DCC: variants seen among roughly 807,000 people sequenced by gnomAD.
DCC encodes DCC netrin 1 receptor.
In DCC, 58 loss-of-function variants were observed where a neutral mutation model predicts 172.5. That is an observed-to-expected ratio of 0.34 (90% CI 0.27 to 0.42). The LOEUF (loss-of-function observed/expected upper bound fraction) is 0.42. Among genes scored for constraint, DCC ranks in the 10% least tolerant of loss-of-function variants. The pLI, the probability that DCC is intolerant of heterozygous loss-of-function variation, is 1.00. For missense variants in DCC, 1,740 were observed against 1,791.0 expected (o/e 0.97, Z 0.51); for synonymous variants, 709 against 644.5 (o/e 1.10, Z -1.52).
intron 1 of DCC, among the ~76,000 whole-genome samples, chr18:52,521,038 G>A (rs77660892): frequency 1.7e-3 from 262 of 152,154 alleles, no homozygotes; most frequent in Middle Eastern, 3.4e-3. Context: ...AATATACATG[G>A]TGGTATATTT....
intron 21 of DCC, among the ~76,000 whole-genome samples, chr18:53,433,837 T>C (rs1911781121): frequency 6.6e-6 from 1 of 152,194 alleles, no homozygotes; most frequent in Non-Finnish European, 1.5e-5. Flanking sequence ...CTCACAGTCA[T>C]TGTCCCAGCA....
chr18:52,343,650 C>A (rs1983753661), intron 1 of DCC, among the ~76,000 whole-genome samples: 2 of 152,124 alleles, frequency 1.3e-5, no homozygotes, highest in East Asian at 3.9e-4. Flanking sequence ...GATAAGATAA[C>A]AATTTTGGAT....
At chr18:52,951,366 T>G (rs1481561045) in intron 5 of DCC, among the ~76,000 whole-genome samples, 3 of 152,168 alleles carry the variant, frequency 2.0e-5, no homozygotes, top group African/African-American at 7.2e-5. Flanking sequence ...GCTGCACCTA[T>G]CAACCCATCA....
At chr18:52,856,887 T>A (rs2039065183) in intron 2 of DCC, among the ~76,000 whole-genome samples, 1 of 152,160 alleles carries the variant, frequency 6.6e-6, no homozygotes, top group South Asian at 2.1e-4. Flanking sequence ...TAGAAGTAAC[T>A]GTTATACAAC....
chr18:52,985,055 T>C (rs2041270987), intron 5 of DCC, among the ~76,000 whole-genome samples: 1 of 152,124 alleles, frequency 6.6e-6, no homozygotes, highest in Non-Finnish European at 1.5e-5. Context: ...TTCTTAAATA[T>C]CATTTTTTCC....
chr18:52,630,068 T>A (rs970022344), intron 1 of DCC, among the ~76,000 whole-genome samples: 5 of 149,244 alleles, frequency 3.4e-5, no homozygotes, highest in Admixed American at 3.3e-4. Flanking sequence ...GCTGAGATCA[T>A]GCCACTGCAC....
At chr18:52,388,193 C>T (rs1985891983) in intron 1 of DCC, among the ~76,000 whole-genome samples, 1 of 151,952 alleles carries the variant, frequency 6.6e-6, no homozygotes, top group Non-Finnish European at 1.5e-5. Flanking sequence ...TGACGTTCAA[C>T]TTCTCTATTT....
At chr18:52,891,762 T>C (rs1383452362) in intron 2 of DCC, among the ~76,000 whole-genome samples, 1 of 152,122 alleles carries the variant, frequency 6.6e-6, no homozygotes, top group Non-Finnish European at 1.5e-5. Context: ...CTGTTCATTA[T>C]ACATCAAAAT....
chr18:53,270,438 C>T (rs1288267524), intron 12 of DCC, among the ~76,000 whole-genome samples: 1 of 151,954 alleles, frequency 6.6e-6, no homozygotes, highest in African/African-American at 2.4e-5. Flanking sequence ...TTTCTAAAAA[C>T]CTAATTATAT....
At chr18:53,355,584 T>A (rs183296013) in intron 15 of DCC, among the ~76,000 whole-genome samples, 1 of 152,320 alleles carries the variant, frequency 6.6e-6, no homozygotes, top group South Asian at 2.1e-4. Flanking sequence ...CTGTTATTAG[T>A]GTATAAGAAT....
intron 12 of DCC, among the ~76,000 whole-genome samples, chr18:53,216,559 A>T (rs571215059): frequency 6.6e-6 from 1 of 152,268 alleles, no homozygotes; most frequent in South Asian, 2.1e-4. Context: ...ATCATGAGAA[A>T]GTAATAGTAA....
intron 12 of DCC, among the ~76,000 whole-genome samples, chr18:53,229,361 T>G (rs1296838321): frequency 6.6e-6 from 1 of 152,132 alleles, no homozygotes; most frequent in African/African-American, 2.4e-5. Flanking sequence ...AGCCCTATGT[T>G]AAACACAGCA....
chr18:53,265,188 C>A (rs1568400701), intron 12 of DCC, among the ~76,000 whole-genome samples: 1 of 152,178 alleles, frequency 6.6e-6, no homozygotes, highest in Admixed American at 6.5e-5. Context: ...TAATGAGAAC[C>A]AGGTCCTTGG....
chr18:52,794,532 TTTTGGTGGAGTC>T (rs1466878937), intron 2 of DCC, among the ~76,000 whole-genome samples: 4 of 152,058 alleles, frequency 2.6e-5, no homozygotes, highest in African/African-American at 9.7e-5. Context: ...GTTCTGAGTT[TTTTGGTGGAGTC>T]TTTAGGTTTT....
At chr18:52,654,258 C>T (rs749926713) in intron 1 of DCC, among the ~76,000 whole-genome samples, 8 of 152,206 alleles carry the variant, frequency 5.3e-5, no homozygotes, top group Non-Finnish European at 1.2e-4. Flanking sequence ...TAATGAAACA[C>T]TACAGGTGGG....
chr18:52,351,687 C>T (rs141493369), intron 1 of DCC, among the ~76,000 whole-genome samples: 4 of 152,190 alleles, frequency 2.6e-5, no homozygotes, highest in Non-Finnish European at 5.9e-5. Flanking sequence ...TGTTCTGGGG[C>T]CTCCTTCAAA....
In DCC at chr18:52,602,262, T is replaced by C. The variant is rs984182354; in HGVS notation, c.92-149792T>C. On this transcript the variant is annotated intron_variant, in intron 1 of 28. Coordinates refer to ENST00000442544, the MANE Select transcript of DCC (RefSeq NM_005215.4). Reference sequence around the variant, plus strand: ...TATGAGTAAAATAGAAAGCCTTGATTTGTTCAGGGGAATGAGGCATTCTCG... The same window carrying C: ...TATGAGTAAAATAGAAAGCCTTGATCTGTTCAGGGGAATGAGGCATTCTCG... Among the ~76,000 whole-genome samples the C allele has an allele frequency of 2.0e-5, 3 of 152,206 alleles. 1 individual carries two copies. Among genetic ancestry groups the C allele is most frequent in the South Asian group, 4.1e-4 (2 of 4,830 alleles).
intron 1 of DCC, among the ~76,000 whole-genome samples, chr18:52,531,555 A>G (rs2032151462): frequency 6.6e-6 from 1 of 152,188 alleles, no homozygotes; most frequent in South Asian, 2.1e-4. Flanking sequence ...ATTTCATACT[A>G]TCTTCCTTCT....
intron 1 of DCC, among the ~76,000 whole-genome samples, chr18:52,579,513 G>A (rs1035489914): frequency 6.6e-6 from 1 of 151,982 alleles, no homozygotes; most frequent in African/African-American, 2.4e-5. Context: ...ATCTTTTATT[G>A]TGTAGTTTAT....
Sources: gnomAD v4.1 joint callset for allele counts (sites outside exome capture counted in the v4.1 genomes callset) on GRCh38, gnomAD v4.1.1 for gene constraint, MANE v1.5 for transcripts, NCBI Gene and HGNC (gene_info 2026-07-23, HGNC 2026-07-21) for gene names.